Variants in ZNF362 observed in about 807,000 individuals in gnomAD.
ZNF362 encodes the protein rotund homolog.
In ZNF362, 11 loss-of-function variants were observed where a neutral mutation model predicts 42.9. The observed-to-expected ratio is 0.26, with a 90% CI of 0.16 to 0.42. The LOEUF is 0.42. Ranked by LOEUF, ZNF362 falls within the 20% of genes least tolerant of loss-of-function variation. The probability of loss-of-function intolerance (pLI) is 1.00; values close to 1 mark genes in which losing one functional copy is unlikely to be tolerated. For synonymous variants in ZNF362, 255 were observed against 257.3 expected (o/e 0.99, Z 0.09); for missense variants, 362 against 576.2 (o/e 0.63, Z 3.81).
At chr1:33,153,057 A>C in the ZNF362 span, among the ~76,000 whole-genome samples, 1 of 66,174 alleles carries the variant, frequency 1.5e-5, no homozygotes, top group African/African-American at 6.1e-5. Flanking sequence ...GAGGTGGGGG[A>C]GGGTGGAAGT....
At chr1:33,245,938 T>G in the ZNF362 span, among the ~76,000 whole-genome samples, 2 of 151,820 alleles carry the variant, frequency 1.3e-5, no homozygotes, top group Non-Finnish European at 2.9e-5. Context: ...AGACCCTATC[T>G]CAAACAGAGA....
In ZNF362 at chr1:33,265,457, G is replaced by T. The variant is rs933387945; in HGVS notation, c.-88-5030G>T. On this transcript the variant is annotated intron_variant, in intron 1 of 8. Transcript: ENST00000539719. ...CAGCCCTTCCCAGCCCCGTGGGGCT[G>T]CGGAAACCCGGTCTAATTGGATCCA... is the stretch of plus-strand genomic sequence containing the variant. Among the ~76,000 whole-genome samples, 7 of 152,154 alleles carry T rather than the reference G, an allele frequency of 4.6e-5. No individual in the cohort carries two copies. In the South Asian group the frequency reaches 8.3e-4, roughly 18 times the overall value.
chr1:33,177,948 C>CCAAAGTCACA, the ZNF362 span, among the ~76,000 whole-genome samples: 1 of 152,136 alleles, frequency 6.6e-6, no homozygotes, highest in Non-Finnish European at 1.5e-5. This position sits in a 1 kb window ranked among gnomAD's most constrained non-coding sequence, Gnocchi z 4.1. Context: ...AATAATCTTC[C>CCAAAGTCACA]CAAAGTCACA....
the ZNF362 span, chr1:33,147,197 T>G: frequency 5.0e-6 from 8 of 1,613,684 alleles, no homozygotes; most frequent in Non-Finnish European, 6.8e-6. The surrounding 1 kb of genome is among the most constrained non-coding windows in gnomAD (Gnocchi z 8.1). Flanking sequence ...ACGGTGTTGA[T>G]CCGCAGCGGC....
intron 6 of ZNF362, among the ~76,000 whole-genome samples, chr1:33,290,134 G>A (rs141190022): frequency 0.01 from 1,560 of 152,236 alleles, 34 homozygotes; most frequent in African/African-American, 0.035. Flanking sequence ...TAGGGGACAT[G>A]TGCAGAACGT....
At chr1:33,181,326 G>A in the ZNF362 span, 1 of 1,574,798 alleles carries the variant, frequency 6.4e-7, no homozygotes, top group African/African-American at 1.3e-5. The surrounding 1 kb of genome is among the most constrained non-coding windows in gnomAD (Gnocchi z 6.5). Context: ...CCAGTGCTCC[G>A]TGATGCAGCG....
chr1:33,158,251 A>G, the ZNF362 span: 1 of 1,612,466 alleles, frequency 6.2e-7, no homozygotes, highest in Non-Finnish European at 8.5e-7. Flanking sequence ...CCCATGCCTT[A>G]CCTGGGTGGA....
the ZNF362 span, among the ~76,000 whole-genome samples, chr1:33,225,433 AAAT>A: frequency 1.3e-5 from 2 of 152,166 alleles, no homozygotes; most frequent in Non-Finnish European, 2.9e-5. Context: ...TTTATTTAAA[AAAT>A]ATATATGTAT....
intron 6 of ZNF362, among the ~76,000 whole-genome samples, chr1:33,292,976 T>C (rs1570410524): frequency 6.6e-6 from 1 of 152,318 alleles, no homozygotes; most frequent in Middle Eastern, 3.4e-3. Flanking sequence ...CAGCTTCTCT[T>C]GGCACAGCTG....
At chr1:33,191,554 G>A in the ZNF362 span, among the ~76,000 whole-genome samples, 7 of 151,962 alleles carry the variant, frequency 4.6e-5, no homozygotes, top group South Asian at 1.5e-3. Context: ...TGTCCCCCAG[G>A]CAGGCAATGG....
intron 6 of ZNF362, among the ~76,000 whole-genome samples, chr1:33,293,475 G>A (rs1646094484): frequency 6.6e-6 from 1 of 152,196 alleles, no homozygotes; most frequent in African/African-American, 2.4e-5. Flanking sequence ...GTGTCTCTAA[G>A]TCTAACACTG....
At chr1:33,218,578 T>C in the ZNF362 span, among the ~76,000 whole-genome samples, 1 of 152,224 alleles carries the variant, frequency 6.6e-6, no homozygotes, top group Non-Finnish European at 1.5e-5. Flanking sequence ...ACAGGTGAAC[T>C]TGTCATTATT....
chr1:33,171,575 C>T, the ZNF362 span, among the ~76,000 whole-genome samples: 1,016 of 152,258 alleles, frequency 6.7e-3, 6 homozygotes, highest in Non-Finnish European at 0.01. Context: ...AGGCTTTGTG[C>T]TGGCCGCTCC....
At chr1:33,201,350 G>C in the ZNF362 span, among the ~76,000 whole-genome samples, 1 of 152,276 alleles carries the variant, frequency 6.6e-6, no homozygotes, top group South Asian at 2.1e-4. Context: ...ATTAATTTCA[G>C]CTAACACGGA....
intron 6 of ZNF362, among the ~76,000 whole-genome samples, chr1:33,293,390 A>G (rs114759784): frequency 0.011 from 1,723 of 152,224 alleles, 27 homozygotes; most frequent in African/African-American, 0.039. Flanking sequence ...CATATAAGGA[A>G]TTTGGACTTT....
the ZNF362 span, among the ~76,000 whole-genome samples, chr1:33,233,473 G>C: frequency 1.3e-5 from 2 of 150,908 alleles, no homozygotes; most frequent in Non-Finnish European, 2.9e-5. Flanking sequence ...GTGCAATCTC[G>C]GCTCACTGAA....
the ZNF362 span, among the ~76,000 whole-genome samples, chr1:33,170,020 T>C: frequency 6.6e-6 from 1 of 152,184 alleles, no homozygotes; most frequent in Non-Finnish European, 1.5e-5. Flanking sequence ...ATTGCAAGGT[T>C]ACCTGTCAAT....
chr1:33,155,356 C>A, the ZNF362 span, among the ~76,000 whole-genome samples: 73 of 152,220 alleles, frequency 4.8e-4, no homozygotes, highest in African/African-American at 1.5e-3. Flanking sequence ...CAGGCATGAG[C>A]CACCATGCCC....
the ZNF362 span, among the ~76,000 whole-genome samples, chr1:33,134,310 A>G: frequency 1.3e-5 from 2 of 152,250 alleles, no homozygotes; most frequent in Admixed American, 6.5e-5. Context: ...ATCTGAGGCT[A>G]TCGTGGTGAA....
Sources: gnomAD v4.1 joint callset for allele counts (sites outside exome capture counted in the v4.1 genomes callset) on GRCh38, gnomAD v4.1.1 for gene constraint, Gnocchi (gnomAD v3.1) non-coding constraint, MANE v1.5 for transcripts, NCBI Gene and HGNC (gene_info 2026-07-23, HGNC 2026-07-21) for gene names.